Variants in PLAAT3 observed in about 807,000 individuals in gnomAD.
PLAAT3 encodes the protein phospholipase A and acyltransferase 3, also known as Ca-independent phospholipase A1/2.
In PLAAT3, 21 loss-of-function variants were observed where a neutral mutation model predicts 16.7. That is an observed-to-expected ratio of 1.26 (90% confidence interval 0.89 to 1.81). The LOEUF is 1.81. PLAAT3 is among the 40% of genes most tolerant of loss of function. PLAAT3 has a pLI of 0.00. For missense variants in PLAAT3, 219 were observed against 213.7 expected (o/e 1.02, Z -0.16); for synonymous variants, 76 against 81.7 (o/e 0.93, Z 0.38).
chr11:63,597,923 A>G, intron 3 of PLAAT3, 138 bp downstream of exon 3: 1 of 652,306 alleles, frequency 1.5e-6, no homozygotes, highest in Non-Finnish European at 2.8e-6. Context: ...CCCCATATCA[A>G]ACTTCTTGTA....
intron 3 of PLAAT3, among the ~76,000 whole-genome samples, chr11:63,594,870 G>T (rs2134413798): frequency 6.7e-6 from 1 of 149,342 alleles, no homozygotes; most frequent in South Asian, 2.1e-4. Flanking sequence ...GGAGCAAAGT[G>T]CTTATGAAAG....
At chr11:63,608,130 C>T (rs761844729) in intron 2 of PLAAT3, among the ~76,000 whole-genome samples, 1 of 152,078 alleles carries the variant, frequency 6.6e-6, no homozygotes, top group Admixed American at 6.6e-5. Context: ...CGCAGTGAGC[C>T]GAGATCGTGC....
chr11:63,591,790 C>T (rs969447370), intron 3 of PLAAT3, among the ~76,000 whole-genome samples: 11 of 152,352 alleles, frequency 7.2e-5, no homozygotes, highest in South Asian at 6.2e-4. Flanking sequence ...TGGAGCCCTG[C>T]GTTTGTCGGG....
intron 2 of PLAAT3, among the ~76,000 whole-genome samples, chr11:63,605,806 A>T (rs900957492): frequency 6.6e-6 from 1 of 151,670 alleles, no homozygotes; most frequent in Non-Finnish European, 1.5e-5. Context: ...CCCGCCTCAG[A>T]CTCCCAAGGT....
intron 4 of PLAAT3, among the ~76,000 whole-genome samples, chr11:63,578,402 C>T (rs1464507672): frequency 6.6e-6 from 1 of 151,960 alleles, no homozygotes; most frequent in South Asian, 2.1e-4. Flanking sequence ...GATATTACAA[C>T]ATTTAGAGCA....
intron 2 of PLAAT3, among the ~76,000 whole-genome samples, chr11:63,611,620 GT>G (rs1938695106): frequency 2.6e-5 from 4 of 152,162 alleles, no homozygotes; most frequent in Non-Finnish European, 2.9e-5. Context: ...CATTTATACA[GT>G]TTATGTAGCC....
chr11:63,581,336 T>C (rs2134394645), intron 4 of PLAAT3, among the ~76,000 whole-genome samples: 1 of 152,308 alleles, frequency 6.6e-6, no homozygotes, highest in Non-Finnish European at 1.5e-5. Flanking sequence ...CTGAATTCTT[T>C]TCCGAGCAAG....
intron 4 of PLAAT3, among the ~76,000 whole-genome samples, chr11:63,588,258 T>C (rs1350472956): frequency 5.9e-5 from 9 of 152,028 alleles, no homozygotes; most frequent in African/African-American, 9.6e-5. Flanking sequence ...TTAGTAGAGA[T>C]GGGGTTTCAC....
rs764115959 is a variant in PLAAT3, at chr11:63,574,806, C to T, written c.*139G>A. On this transcript the variant is annotated 3_prime_UTR_variant, in exon 5 of 5. Transcript: ENST00000415826. ...CACTTCCCCCAATAAAATCCTCCCT[C>T]GTTTTGCTTTATTTTATTCTGTGAA... The T allele has an allele frequency of 1.6e-6, 1 of 623,792 alleles. No homozygotes were observed. The highest frequency in any genetic ancestry group is 2.9e-6 in the Non-Finnish European group (1 of 347,058). The allele number at this position is 623,792 out of a possible 1,614,324, so 38.6% of individuals were successfully genotyped here.
intron 2 of PLAAT3, 112 bp from the exon 3 acceptor site, chr11:63,598,275 A>G (rs1008163907): frequency 5.6e-6 from 4 of 720,562 alleles, no homozygotes; most frequent in African/African-American, 5.2e-5. Context: ...TCAGCAGAAC[A>G]TATGTCCTGA....
At chr11:63,597,998 T>C in intron 3 of PLAAT3, 63 bp downstream of exon 3, 1 of 1,078,412 alleles carries the variant, frequency 9.3e-7, no homozygotes. Context: ...TACCCACAGT[T>C]CCCCATCCCC....
At chr11:63,575,770 C>T (rs1157892010) in intron 4 of PLAAT3, among the ~76,000 whole-genome samples, 2 of 152,050 alleles carry the variant, frequency 1.3e-5, no homozygotes, top group African/African-American at 4.8e-5. Context: ...GCACTAAATC[C>T]TAAGGCAGCA....
At chr11:63,590,736 T>C (rs1303963208) in intron 3 of PLAAT3, among the ~76,000 whole-genome samples, 1 of 152,238 alleles carries the variant, frequency 6.6e-6, no homozygotes, top group Non-Finnish European at 1.5e-5. Flanking sequence ...GCATCAGGGC[T>C]ACACCTACTT....
At chr11:63,611,009 G>GCAAAAGC (rs1358106902) in intron 2 of PLAAT3, among the ~76,000 whole-genome samples, 3 of 152,096 alleles carry the variant, frequency 2.0e-5, no homozygotes, top group Non-Finnish European at 4.4e-5. Context: ...CATAAAAGCC[G>GCAAAAGC]CAAAAGCCCA....
intron 4 of PLAAT3, among the ~76,000 whole-genome samples, chr11:63,588,722 A>C (rs1161896896): frequency 6.6e-6 from 1 of 152,234 alleles, no homozygotes; most frequent in Non-Finnish European, 1.5e-5. Flanking sequence ...ATATATAAAT[A>C]GTTGTTGAAC....
At chr11:63,589,414 A>T (rs926857278) in intron 4 of PLAAT3, among the ~76,000 whole-genome samples, 27 of 105,654 alleles carry the variant, frequency 2.6e-4, no homozygotes, top group African/African-American at 7.9e-4. Flanking sequence ...CTATGCAAAG[A>T]AAAAAAAAAA....
intron 4 of PLAAT3, among the ~76,000 whole-genome samples, chr11:63,588,034 T>G (rs931904502): frequency 6.6e-6 from 1 of 151,886 alleles, no homozygotes; most frequent in Non-Finnish European, 1.5e-5. Context: ...GGCAACAGAG[T>G]GAGACCTCAT....
In PLAAT3 at chr11:63,614,080, G is replaced by A; in HGVS notation, c.-54-12C>T. On this transcript the variant is annotated splice_polypyrimidine_tract_variant and intron_variant, in intron 1 of 4. Transcript: ENST00000415826. ...CGCTGCGTAGATGTCTGAGGCAGGG[G>A]GAGCAGGGATTTATTGTCATTAACA... 1 of 1,612,232 alleles carries A rather than the reference G, an allele frequency of 6.2e-7. No homozygotes were observed. Among genetic ancestry groups the A allele is most frequent in the Non-Finnish European group, 8.5e-7 (1 of 1,178,630 alleles).
At chr11:63,580,708 A>G (rs1003188323) in intron 4 of PLAAT3, among the ~76,000 whole-genome samples, 20 of 152,192 alleles carry the variant, frequency 1.3e-4, no homozygotes, top group African/African-American at 4.1e-4. Context: ...GATGGGCCCA[A>G]TGTAATTACA....
Sources: allele counts gnomAD v4.1 joint callset (sites outside exome capture counted in the v4.1 genomes callset), GRCh38; gene constraint gnomAD v4.1.1; transcripts MANE v1.5; gene names NCBI Gene and HGNC (gene_info 2026-07-23, HGNC 2026-07-21).